EVC: variants seen among roughly 807,000 people sequenced by gnomAD.
EVC encodes EvC ciliary complex subunit 1.
EVC carries 116 observed loss-of-function variants against 118.9 expected under a neutral mutation model. The ratio of observed to expected loss-of-function variants is 0.98; its 90% CI spans 0.84 to 1.14. The LOEUF (loss-of-function observed/expected upper bound fraction) is 1.14, where lower values mean the gene tolerates loss of function less well. EVC is among the 50% of genes most tolerant of loss of function. EVC has a pLI of 0.00. For missense variants in EVC, 1,401 were observed against 1,246.4 expected, an observed-to-expected ratio of 1.12 and a Z score of -1.87; for synonymous variants, 619 against 534.7, an observed-to-expected ratio of 1.16 and a Z score of -2.18.
chr4:5,820,562 G>A, the EVC span, among the ~76,000 whole-genome samples: 49 of 152,238 alleles, frequency 3.2e-4, no homozygotes, highest in African/African-American at 1.1e-3. Context: ...GTGGAAGCCC[G>A]CCCATCAGCC....
chr4:5,802,231 C>T (rs1715142747), intron 16 of EVC, 137 bp downstream of exon 16: 4 of 1,280,552 alleles, frequency 3.1e-6, no homozygotes, highest in Non-Finnish European at 4.4e-6. Context: ...TGTATTTATC[C>T]CGTGCTTTGT....
rs764394644 is a variant in EVC at position 5,745,341 on chromosome 4, T to C, written c.939T>C (p.Asn313=). 2 of 1,613,334 alleles carry C rather than the reference T, an allele frequency of 1.2e-6. No homozygotes were observed. Among genetic ancestry groups the C allele is most frequent in the African/African-American group, 1.3e-5 (1 of 74,542 alleles). ...AATACTCTGAACAGCTAATCGATAA[T>C]GTGCGTGCCAGACTTTCTTTCCTGT... ...EREYSEQLID[N]MEAFWKQMAN... The change falls in exon 7 of 21, where the codon AAT becomes AAC. Residue 313 remains asparagine, a splice_region_variant and synonymous_variant. Transcript: ENST00000264956.
At chr4:5,807,358 C>G (rs1285250420) in intron 17 of EVC, among the ~76,000 whole-genome samples, 1 of 152,126 alleles carries the variant, frequency 6.6e-6, no homozygotes. Context: ...TACTGGCGGA[C>G]AGAAGAGTGT....
At chr4:5,741,367 A>G (rs1383827313) in intron 5 of EVC, among the ~76,000 whole-genome samples, 1 of 152,196 alleles carries the variant, frequency 6.6e-6, no homozygotes, top group East Asian at 1.9e-4. Flanking sequence ...TCTTTCTTCA[A>G]AGAAGCAAAC....
chr4:5,733,559 G>A (rs1577368963), intron 5 of EVC, 124 bp downstream of exon 5: 2 of 887,718 alleles, frequency 2.3e-6, no homozygotes, highest in East Asian at 5.0e-5. Flanking sequence ...GAGCCGCTGT[G>A]AGGTGGGGGA....
intron 12 of EVC, among the ~76,000 whole-genome samples, chr4:5,786,743 G>A (rs1021540586): frequency 6.6e-5 from 10 of 152,144 alleles, no homozygotes; most frequent in Admixed American, 5.9e-4. Flanking sequence ...GTGATGACAG[G>A]TGCCTGTAGT....
At chr4:5,818,270 C>G (rs1423936774), downstream of EVC, among the ~76,000 whole-genome samples, 1 of 152,172 alleles carries the variant, frequency 6.6e-6, no homozygotes, top group East Asian at 1.9e-4. Context: ...TCCATTAAAC[C>G]TCTTTTTCTT....
chr4:5,748,106 A>C, intron 7 of EVC, 42 bp from the exon 8 acceptor site: 1 of 1,613,588 alleles, frequency 6.2e-7, no homozygotes, highest in Non-Finnish European at 8.5e-7. Flanking sequence ...TTCTTAAGTA[A>C]GTTTTTCACC....
At chr4:5,775,575 G>A (rs1734602409) in intron 11 of EVC, among the ~76,000 whole-genome samples, 1 of 152,134 alleles carries the variant, frequency 6.6e-6, no homozygotes, top group South Asian at 2.1e-4. Context: ...CACTCAACTT[G>A]ATATTTGAGA....
intron 7 of EVC, 58 bp from the exon 8 acceptor site, chr4:5,748,090 T>A: frequency 6.2e-7 from 1 of 1,601,318 alleles, no homozygotes; most frequent in Non-Finnish European, 8.6e-7. Context: ...CACGCACCGT[T>A]TGGCTTTCTT....
the EVC span, chr4:5,821,934 T>C: frequency 1.6e-6 from 2 of 1,252,428 alleles, no homozygotes; most frequent in East Asian, 5.0e-5. This position sits in a 1 kb window ranked among gnomAD's most constrained non-coding sequence, Gnocchi z 4.4. Flanking sequence ...TACTCTGCCA[T>C]GCACTCCACT....
chr4:5,772,950 C>A (rs181551331), intron 11 of EVC, among the ~76,000 whole-genome samples: 80 of 152,270 alleles, frequency 5.3e-4, no homozygotes, highest in Non-Finnish European at 8.5e-4. Flanking sequence ...TCTCCCCAGA[C>A]CTGTCTAACT....
In EVC at chr4:5,786,213, C is replaced by A. The variant is rs537009537; in HGVS notation, c.1776+2449C>A. ...TCCAAATGATTCCATTCAGATAATG[C>A]AAGTTAAGACCTTTTGCACAATATC... On this transcript the variant is annotated intron_variant, in intron 12 of 20. Coordinates refer to ENST00000264956, the MANE Select transcript of EVC (RefSeq NM_153717.3). Among the ~76,000 whole-genome samples the A allele has an allele frequency of 2.4e-4, 36 of 152,310 alleles. No individual in the cohort carries two copies. The South Asian group carries it at 7.2e-3, about 31-fold the overall frequency.
chr4:5,808,674 C>G (rs1422146566), intron 18 of EVC, among the ~76,000 whole-genome samples: 2 of 152,216 alleles, frequency 1.3e-5, no homozygotes, highest in Admixed American at 6.5e-5. Flanking sequence ...ATGGTGACCT[C>G]TGTGTCACTC....
At position 5,737,370 on chromosome 4, in the gene EVC, C is replaced by G. The variant is rs768734673; in HGVS notation, c.702+3935C>G. ...AGCTTCAGCAAGTTACCCAGAAGAT[C>G]TAGCTAAGACCATTGAGCAAGGTGG... On this transcript the variant is annotated intron_variant, in intron 5 of 20. Transcript: ENST00000264956. The surrounding 1 kb of genome is among the most constrained non-coding windows in gnomAD (Gnocchi z 5.0). Among the ~76,000 whole-genome samples the G allele has an allele frequency of 2.6e-5, 4 of 152,228 alleles. No individual in the cohort carries two copies. The highest frequency in any genetic ancestry group is 4.8e-5 in the African/African-American group (2 of 41,452).
chr4:5,770,870 A>G (rs2152212118), intron 11 of EVC, among the ~76,000 whole-genome samples: 1 of 152,132 alleles, frequency 6.6e-6, no homozygotes, highest in East Asian at 1.9e-4. Context: ...CAAATTAGCC[A>G]GGTGTCGTGG....
chr4:5,823,475 G>C, the EVC span, among the ~76,000 whole-genome samples: 1 of 152,136 alleles, frequency 6.6e-6, no homozygotes, highest in Non-Finnish European at 1.5e-5. Flanking sequence ...TTGGACTTTT[G>C]TCCCCCAAAA....
downstream of EVC, among the ~76,000 whole-genome samples, chr4:5,818,105 C>T (rs565906311): frequency 2.5e-4 from 38 of 152,200 alleles, no homozygotes; most frequent in Admixed American, 5.9e-4. Context: ...AGTTTCCCCC[C>T]ATACTGTTCT....
chr4:5,821,984 T>G, the EVC span: 115 of 629,902 alleles, frequency 1.8e-4, no homozygotes, highest in East Asian at 3.0e-3. The surrounding 1 kb of genome is among the most constrained non-coding windows in gnomAD (Gnocchi z 4.4). Flanking sequence ...GGACCAGCCA[T>G]GGGAAGCCTC....
Sources: allele counts gnomAD v4.1 joint callset (sites outside exome capture counted in the v4.1 genomes callset), GRCh38; gene constraint gnomAD v4.1.1; non-coding constraint Gnocchi (gnomAD v3.1); transcripts MANE v1.5; gene names NCBI Gene and HGNC (gene_info 2026-07-23, HGNC 2026-07-21).